ADGRD2: variants seen among roughly 807,000 people sequenced by gnomAD.
ADGRD2 encodes the protein adhesion G protein-coupled receptor D2.
Under a neutral mutation model 44.4 loss-of-function variants are expected in ADGRD2, and 71 were observed. The ratio of observed to expected loss-of-function variants is 1.60; its 90% CI spans 1.32 to 1.95. The LOEUF is 1.95. Ranked by LOEUF, ADGRD2 falls within the 30% of genes most tolerant of loss-of-function variation. ADGRD2 has a pLI of 0.00. For synonymous variants in ADGRD2, 481 were observed against 224.8 expected (o/e 2.14, Z -10.19); for missense variants, 1,039 against 512.4 (o/e 2.03, Z -9.92).
intron 10 of ADGRD2, among the ~76,000 whole-genome samples, chr9:124,461,744 G>A (rs1220994805): frequency 6.7e-6 from 1 of 149,400 alleles, no homozygotes; most frequent in Non-Finnish European, 1.5e-5. Flanking sequence ...TTTTTAATTT[G>A]TTTTTTGTTT....
At chr9:124,458,771 G>A (rs1401083077) in intron 10 of ADGRD2, 50 bp downstream of exon 13, 1 of 706,256 alleles carries the variant, frequency 1.4e-6, no homozygotes, top group African/African-American at 1.8e-5. Context: ...ACGTGTCCTG[G>A]TTCAGTTCCC....
chr9:124,477,319 G>T (rs1445792689), intron 21 of ADGRD2, among the ~76,000 whole-genome samples: 1 of 152,208 alleles, frequency 6.6e-6, no homozygotes, highest in African/African-American at 2.4e-5. Context: ...GACCCTGACC[G>T]CTGGCCGCCT....
At position 124,454,030 on chromosome 9, in the gene ADGRD2, G is replaced by T; in HGVS notation, c.957G>T (p.Pro319=). ...CCGAGGAGTGCCCTACGTGGAACCC[G>T]GGACCTCGCAGTGAGGGCTCTGAGC... is the stretch of plus-strand genomic sequence containing the variant. The change falls in exon 4 of 22, where the codon CCG becomes CCT. Residue 319 remains proline, a synonymous_variant. Coordinates refer to ENST00000334810, the Ensembl canonical transcript of ADGRD2. The surrounding 1 kb of genome is among the most constrained non-coding windows in gnomAD (Gnocchi z 4.5). The T allele has an allele frequency of 1.4e-6, 1 of 712,986 alleles. No individual in the cohort carries two copies. The highest frequency in any genetic ancestry group is 1.5e-5 in the South Asian group (1 of 66,988). 44.2% of individuals were successfully genotyped at this position (712,986 alleles called of 1,614,324 possible). A position where few individuals can be genotyped will look rare whatever the true frequency, so the allele number is the denominator to read the frequency against.
intron 2 of ADGRD2, 138 bp downstream of exon 5, chr9:124,452,860 G>C (rs1588598544): frequency 1.6e-6 from 1 of 612,806 alleles, no homozygotes; most frequent in Non-Finnish European, 2.9e-6. Context: ...CTTTGCCCTG[G>C]ACTGGGCGTC....
intron 21 of ADGRD2, 99 bp downstream of exon 24, chr9:124,476,808 C>T (rs1030410479): frequency 3.3e-5 from 22 of 671,748 alleles, no homozygotes; most frequent in Non-Finnish European, 5.7e-5. Flanking sequence ...AATTAATACG[C>T]CCAACCTCCC....
chr9:124,471,133 C>G (rs576475162), intron 17 of ADGRD2, among the ~76,000 whole-genome samples: 1 of 152,288 alleles, frequency 6.6e-6, no homozygotes, highest in African/African-American at 2.4e-5. Flanking sequence ...AGAGGGCCAA[C>G]TAGGTCCCTC....
intron 10 of ADGRD2, among the ~76,000 whole-genome samples, chr9:124,460,708 T>C (rs1831711327): frequency 6.6e-6 from 1 of 152,148 alleles, no homozygotes; most frequent in Non-Finnish European, 1.5e-5. Flanking sequence ...ATTTACCTGC[T>C]GACAGAGATT....
chr9:124,466,424 G>A lies in ADGRD2; in HGVS notation c.2026+11G>A, dbSNP rs998376706. The A allele has an allele frequency of 2.9e-5, 20 of 682,360 alleles. No homozygotes were observed. Among genetic ancestry groups the A allele is most frequent in the East Asian group, 5.5e-5 (2 of 36,242 alleles). The allele number at this position is 682,360 out of a possible 1,614,324, so 42.3% of individuals were successfully genotyped here. A position where few individuals can be genotyped will look rare whatever the true frequency, so the allele number is the denominator to read the frequency against. Reference sequence around the variant, plus strand: ...ATCTATGAAGTACAGGTGAGTGCACGGTGGGAGGGGGGTGTCAGGAGGGGG... The same window carrying A: ...ATCTATGAAGTACAGGTGAGTGCACAGTGGGAGGGGGGTGTCAGGAGGGGG... On this transcript the variant is annotated intron_variant, in intron 11 of 21. Transcript: ENST00000334810.
chr9:124,452,920 C>G, intron 2 of ADGRD2, 115 bp from the exon 6 acceptor site: 2 of 604,378 alleles, frequency 3.3e-6, no homozygotes, highest in South Asian at 3.9e-5. Context: ...TCCTCCTTCC[C>G]GAGGTGGGGA....
At chr9:124,469,638 G>A (rs1409862411) in intron 16 of ADGRD2, 91 bp downstream of exon 19, 13 of 687,870 alleles carry the variant, frequency 1.9e-5, no homozygotes, top group Admixed American at 1.9e-4. Flanking sequence ...GAGCACGTGC[G>A]AGTCTGTGTC....
At chr9:124,453,963 C>A in intron 3 of ADGRD2, 36 bp from the exon 7 acceptor site, 1 of 636,582 alleles carries the variant, frequency 1.6e-6, no homozygotes. Context: ...GCCAGGGTCC[C>A]CTAGGGAGCC....
Position 124,453,992 on chromosome 9 carries a change from C to T in ADGRD2, c.924-7C>T. The T allele has an allele frequency of 2.9e-6, 2 of 679,692 alleles. No individual in the cohort carries two copies. Among genetic ancestry groups the T allele is most frequent in the Non-Finnish European group, 5.4e-6 (2 of 369,462 alleles). The allele number at this position is 679,692 out of a possible 1,614,324, so 42.1% of individuals were successfully genotyped here. ...GGGAGCCCTGACAGCTCCCCTGCCC[C>T]TGCCAGTGCCCTCCGAGGAGTGCCC... On this transcript the variant is annotated splice_region_variant and splice_polypyrimidine_tract_variant and intron_variant, in intron 3 of 21. Coordinates refer to ENST00000334810, the Ensembl canonical transcript of ADGRD2.
chr9:124,465,629 G>A (rs575850926), intron 10 of ADGRD2: 1 of 152,280 alleles, frequency 6.6e-6, no homozygotes, highest in East Asian at 1.9e-4. Flanking sequence ...TAGGATTACA[G>A]GTGTGAACCA....
At chr9:124,453,042 C>A (rs1252645136) in exon 3 of ADGRD2, 1 of 666,084 alleles carries the variant, frequency 1.5e-6, no homozygotes, top group Non-Finnish European at 2.7e-6. Context: ...CAGGTGCGCG[C>A]ACCACCGCCG....
In ADGRD2 at chr9:124,458,953, G is replaced by A. The variant is rs138145929; in HGVS notation, c.1870+232G>A. Among the ~76,000 whole-genome samples the A allele has an allele frequency of 2.9e-3, 439 of 152,276 alleles. 1 individual carries two copies. The highest frequency in any genetic ancestry group is 9.5e-3 in the African/African-American group (394 of 41,556). On this transcript the variant is annotated intron_variant, in intron 10 of 21. Transcript: ENST00000334810. ...AGCCTTCGTTTAATCCTCCAACCGC[G>A]CACTTCATCCAAAGCTTGGGAGGGC...
chr9:124,477,660 T>C (rs7855918), intron 21 of ADGRD2, among the ~76,000 whole-genome samples: 93,711 of 152,118 alleles, frequency 0.62, 31,119 homozygotes, highest in African/African-American at 0.86. Context: ...GAACCCGGGT[T>C]GTGGGATCCC....
At chr9:124,475,646 G>A (rs1832034599) in intron 19 of ADGRD2, 31 bp downstream of exon 22, 1 of 619,944 alleles carries the variant, frequency 1.6e-6, no homozygotes, top group Non-Finnish European at 2.9e-6. Context: ...GTGGGTGGGG[G>A]CGGGAGGCCC....
rs567976540 is a variant in ADGRD2 at position 124,458,736 on chromosome 9, T to C, written c.1870+15T>C. ...ACCGGGCCCAGGTACTGGGTGGCGCTTCTGGGAAGCAGCCATCCTGGCGCA... is the reference window on the plus strand; with the variant it reads ...ACCGGGCCCAGGTACTGGGTGGCGCCTCTGGGAAGCAGCCATCCTGGCGCA... On this transcript the variant is annotated intron_variant, in intron 10 of 21. Transcript: ENST00000334810. The C allele has an allele frequency of 4.2e-6, 3 of 716,948 alleles. No homozygotes were observed. In the East Asian group the frequency reaches 8.1e-5, roughly 19 times the overall value. 44.4% of individuals were successfully genotyped at this position (716,948 alleles called of 1,614,324 possible). A position where few individuals can be genotyped will look rare whatever the true frequency, so the allele number is the denominator to read the frequency against.
chr9:124,475,717 T>G (rs1588610964), intron 19 of ADGRD2, 102 bp downstream of exon 22: 2 of 559,124 alleles, frequency 3.6e-6, no homozygotes, highest in Non-Finnish European at 6.4e-6. Flanking sequence ...CCCTGCCAGC[T>G]GGGGGACCAG....
Sources: allele counts gnomAD v4.1 joint callset (sites outside exome capture counted in the v4.1 genomes callset), GRCh38; gene constraint gnomAD v4.1.1; non-coding constraint Gnocchi (gnomAD v3.1); transcripts MANE v1.5; gene names NCBI Gene and HGNC (gene_info 2026-07-23, HGNC 2026-07-21).